The following SWT1 variants were observed in gnomAD, a reference collection of about 807,000 sequenced individuals.
SWT1 encodes the protein transcriptional protein SWT1.
Under a neutral mutation model 107.3 loss-of-function variants are expected in SWT1, and 33 were observed. That is an observed-to-expected ratio of 0.31 (90% confidence interval 0.23 to 0.41). The LOEUF (loss-of-function observed/expected upper bound fraction) is 0.41. Ranked by LOEUF, SWT1 falls within the 10% of genes least tolerant of loss-of-function variation. The pLI, the probability that SWT1 is intolerant of heterozygous loss-of-function variation, is 1.00. For synonymous variants in SWT1, 345 were observed against 348.3 expected (o/e 0.99, Z 0.11); for missense variants, 898 against 1,028.9 (o/e 0.87, Z 1.74).
At chr1:185,220,921 G>A (rs1659605989) in intron 14 of SWT1, among the ~76,000 whole-genome samples, 1 of 152,198 alleles carries the variant, frequency 6.6e-6, no homozygotes, top group South Asian at 2.1e-4. Flanking sequence ...ATCAATTCCT[G>A]TATATGTATG....
chr1:185,171,632 G>A (rs557098945), intron 4 of SWT1: 9 of 527,624 alleles, frequency 1.7e-5, no homozygotes, highest in Admixed American at 1.6e-4. Flanking sequence ...TATGGGGTGG[G>A]TGCAATCAAG....
Position 185,193,859 on chromosome 1 carries a change from G to A in SWT1, c.1523+3217G>A, listed in dbSNP as rs1571466159. 2.0e-5 allele frequency among the ~76,000 whole-genome samples: 3 copies of A among 152,090 alleles called. No individual in the cohort carries two copies. The East Asian group carries it at 5.8e-4, about 29-fold the overall frequency. ...TCTATTTCTCCTTTCAGTTCTATTT[G>A]TTTTGCTTCGTGTATTGTGAAAGCC... is the stretch of plus-strand genomic sequence containing the variant. On this transcript the variant is annotated intron_variant, in intron 10 of 18. Coordinates refer to ENST00000367500, the MANE Select transcript of SWT1 (RefSeq NM_017673.7).
At chr1:185,247,300 C>G (rs750035498) in intron 16 of SWT1, among the ~76,000 whole-genome samples, 1 of 151,900 alleles carries the variant, frequency 6.6e-6, no homozygotes, top group African/African-American at 2.4e-5. Flanking sequence ...CTCTGACATA[C>G]GGACTAAAGT....
chr1:185,263,710 A>G (rs1663188175), intron 16 of SWT1: 1 of 152,236 alleles, frequency 6.6e-6, no homozygotes, highest in Non-Finnish European at 1.5e-5. Context: ...TTTTCTAACA[A>G]TAAATTGTGG....
At chr1:185,280,077 C>T (rs770717976) in intron 18 of SWT1, among the ~76,000 whole-genome samples, 11 of 152,082 alleles carry the variant, frequency 7.2e-5, no homozygotes, top group Non-Finnish European at 1.2e-4. Context: ...ATAATCCCTA[C>T]GTTTGGAGGG....
intron 18 of SWT1, among the ~76,000 whole-genome samples, chr1:185,280,337 A>C (rs917447050): frequency 6.6e-6 from 1 of 152,084 alleles, no homozygotes; most frequent in African/African-American, 2.4e-5. Context: ...TAAATTACCC[A>C]GTTTTGGGCA....
chr1:185,237,283 A>G (rs1175403962), intron 16 of SWT1, among the ~76,000 whole-genome samples: 1 of 152,244 alleles, frequency 6.6e-6, no homozygotes, highest in Non-Finnish European at 1.5e-5. Flanking sequence ...TCACAATAGC[A>G]AAGACTTGAA....
intron 13 of SWT1, among the ~76,000 whole-genome samples, chr1:185,210,069 G>T (rs1658657699): frequency 6.6e-6 from 1 of 151,960 alleles, no homozygotes; most frequent in Non-Finnish European, 1.5e-5. Flanking sequence ...TTTTGATGGG[G>T]TTGTTTTTTT....
At chr1:185,162,570 C>A (rs1654241453) in intron 2 of SWT1, among the ~76,000 whole-genome samples, 1 of 152,122 alleles carries the variant, frequency 6.6e-6, no homozygotes, top group East Asian at 1.9e-4. Flanking sequence ...TGATTCCATT[C>A]TTTGAGTTGC....
At chr1:185,233,358 G>A (rs574210973) in intron 16 of SWT1, among the ~76,000 whole-genome samples, 2 of 152,106 alleles carry the variant, frequency 1.3e-5, no homozygotes, top group South Asian at 4.2e-4. Flanking sequence ...GAATTTGTTT[G>A]CTCTTGCTTC....
Position 185,215,765 on chromosome 1 carries a change from C to T in SWT1, c.2121+1110C>T, listed in dbSNP as rs544294283. Among the ~76,000 whole-genome samples, 8 of 152,168 alleles carry T rather than the reference C, an allele frequency of 5.3e-5. No individual in the cohort carries two copies. In the South Asian group the frequency reaches 1.7e-3, roughly 32 times the overall value. ...CCTAATACCTAGGCTAGTCTTGACT[C>T]CTGGACTCAAGCAATCCTCCTGCCT... On this transcript the variant is annotated intron_variant, in intron 14 of 18. Transcript: ENST00000367500.
intron 16 of SWT1, among the ~76,000 whole-genome samples, chr1:185,270,996 T>G (rs1387090264): frequency 1.3e-5 from 2 of 152,222 alleles, no homozygotes; most frequent in Non-Finnish European, 2.9e-5. Flanking sequence ...GCACTTCACA[T>G]TTCTGTCTAC....
At chr1:185,270,458 T>C (rs369698824) in intron 16 of SWT1, among the ~76,000 whole-genome samples, 4 of 152,140 alleles carry the variant, frequency 2.6e-5, no homozygotes, top group African/African-American at 9.7e-5. Flanking sequence ...TCCCAGAACT[T>C]TGGGAGCCTG....
intron 4 of SWT1, among the ~76,000 whole-genome samples, chr1:185,173,127 A>T (rs955056943): frequency 6.6e-6 from 1 of 151,000 alleles, no homozygotes; most frequent in South Asian, 2.1e-4. Flanking sequence ...CAAACTTTTT[A>T]AAAATGTTTA....
intron 16 of SWT1, chr1:185,258,128 G>A (rs191987267): frequency 5.3e-5 from 8 of 151,856 alleles, no homozygotes; most frequent in Admixed American, 3.9e-4. Flanking sequence ...CTACTAGTTC[G>A]GAGGTTGTAC....
intron 2 of SWT1, among the ~76,000 whole-genome samples, chr1:185,164,173 CTT>C (rs573365086): frequency 2.2e-4 from 31 of 143,516 alleles, no homozygotes; most frequent in African/African-American, 6.7e-4. Context: ...TGAAAGGAAT[CTT>C]TTTTTTTTTT....
chr1:185,231,183 A>G lies in SWT1; in HGVS notation c.2310-394A>G, dbSNP rs77263906. Among the ~76,000 whole-genome samples, 848 of 152,322 alleles carry G rather than the reference A, an allele frequency of 5.6e-3. 34 individuals carry two copies. In the East Asian group the frequency reaches 0.094, roughly 17 times the overall value. ...AATTTACGATAAATTTCTACAAGTGAAATTACTAGGATTAACTTCTAGTTT... is the reference window on the plus strand; with the variant it reads ...AATTTACGATAAATTTCTACAAGTGGAATTACTAGGATTAACTTCTAGTTT... On this transcript the variant is annotated intron_variant, in intron 15 of 18. Coordinates refer to ENST00000367500, the MANE Select transcript of SWT1 (RefSeq NM_017673.7).
chr1:185,172,366 A>G (rs1004367436), intron 4 of SWT1, among the ~76,000 whole-genome samples: 1 of 150,940 alleles, frequency 6.6e-6, no homozygotes, highest in African/African-American at 2.5e-5. Flanking sequence ...TTGATTTTCA[A>G]TATGTTTTAT....
chr1:185,157,060 G>T (rs1375322015), upstream of SWT1: 5 of 293,994 alleles, frequency 1.7e-5, no homozygotes, highest in South Asian at 1.2e-4. Flanking sequence ...CCACCAAACC[G>T]AACAAAGACT....
Sources: gnomAD v4.1 joint callset for allele counts (sites outside exome capture counted in the v4.1 genomes callset) on GRCh38, gnomAD v4.1.1 for gene constraint, MANE v1.5 for transcripts, NCBI Gene and HGNC (gene_info 2026-07-23, HGNC 2026-07-21) for gene names.